Variants in BSN observed in about 807,000 individuals in gnomAD.
BSN encodes the protein bassoon presynaptic cytomatrix protein.
In BSN, 57 loss-of-function variants were observed where a neutral mutation model predicts 264.8. The ratio of observed to expected loss-of-function variants is 0.22; its 90% CI spans 0.17 to 0.27. BSN has a LOEUF of 0.27. BSN is among the 10% of genes least tolerant of loss of function. BSN has a pLI of 1.00. For synonymous variants in BSN, 2,059 were observed against 2,137.3 expected, an observed-to-expected ratio of 0.96 and a Z score of 1.01; for missense variants, 4,615 against 5,232.5, an observed-to-expected ratio of 0.88 and a Z score of 3.64.
At chr3:49,604,354 C>A in intron 1 of BSN, among the ~76,000 whole-genome samples, 1 of 152,096 alleles carries the variant, frequency 6.6e-6, no homozygotes. Context: ...ACTCTGTACC[C>A]ATTGAACAGT....
At position 49,651,584 on chromosome 3, in the gene BSN, C is replaced by A; in HGVS notation, c.2028C>A (p.Ser676Arg). 6.2e-7 allele frequency: 1 copy of A among 1,605,888 alleles called. No homozygotes were observed. Among genetic ancestry groups the A allele is most frequent in the Admixed American group, 1.7e-5 (1 of 59,178 alleles). ...GKPYSQDASR[S>R]PQSLSDTGYS... is the part of the protein sequence containing the mutation. Reference sequence around the variant, plus strand: ...CTTACTCTCAGGATGCGTCTCGGAGCCCACAGAGCCTCAGTGACACAGGCT... The same window carrying A: ...CTTACTCTCAGGATGCGTCTCGGAGACCACAGAGCCTCAGTGACACAGGCT... The change falls in exon 5 of 12, where the codon AGC (serine) becomes AGA (arginine). Residue 676 changes from serine to arginine, a missense_variant. By Grantham distance (110) the Ser-to-Arg change is moderately radical (BLOSUM62 -1). This residue lies in a region of BSN where 1,197 missense variants were observed against 1,348.0 expected (regional missense o/e 0.89). Transcript: ENST00000296452. This position sits in a 1 kb window ranked among gnomAD's most constrained non-coding sequence, Gnocchi z 5.4.
In BSN at chr3:49,653,566, T is replaced by C. The variant is rs764759342; in HGVS notation, c.4010T>C (p.Ile1337Thr). 1.9e-6 allele frequency: 3 copies of C among 1,613,870 alleles called. No homozygotes were observed. The highest frequency in any genetic ancestry group is 1.7e-6 in the Non-Finnish European group (2 of 1,179,976). ...TCAGACAGCAGCGGGGGCCGAGTTA[T>C]TCCCGATGTCCGTGTCACTCAGCAT... The part of the protein sequence containing the change: ...TSSDSSGGRV[I>T]PDVRVTQHFA... The change falls in exon 5 of 12, where the codon ATT becomes ACT. Residue 1337 changes from isoleucine (I) to threonine (T), a missense_variant. Physicochemically the swap from Ile to Thr is moderately conservative, Grantham distance 89. Coordinates refer to ENST00000296452, the MANE Select transcript of BSN (RefSeq NM_003458.4). This position sits in a 1 kb window ranked among gnomAD's most constrained non-coding sequence, Gnocchi z 6.3.
intron 2 of BSN, among the ~76,000 whole-genome samples, chr3:49,630,369 A>G (rs1363233604): frequency 6.6e-6 from 1 of 152,256 alleles, no homozygotes; most frequent in African/African-American, 2.4e-5. Flanking sequence ...TCTCCCACCG[A>G]ATAGCTAGTC....
Position 49,653,336 on chromosome 3 carries a change from C to T in BSN, c.3780C>T (p.Ile1260=). 6.2e-7 allele frequency: 1 copy of T among 1,612,166 alleles called. No homozygotes were observed. The highest frequency in any genetic ancestry group is 8.5e-7 in the Non-Finnish European group (1 of 1,179,346). Reference sequence around the variant, plus strand: ...TGGGAGCAGCCGTGTACGAAGAAATCCTTCAGACATCACAGAGCATAGTCC... The same window carrying T: ...TGGGAGCAGCCGTGTACGAAGAAATTCTTCAGACATCACAGAGCATAGTCC... The part of the protein sequence containing the change: ...ASLGAAVYEE[I]LQTSQSIVRM... Residue 1260 remains isoleucine, a synonymous_variant, in exon 5 of 12, where the codon ATC becomes ATT. Transcript: ENST00000296452. This position sits in a 1 kb window ranked among gnomAD's most constrained non-coding sequence, Gnocchi z 6.3.
chr3:49,653,809 G>A lies in BSN; in HGVS notation c.4253G>A (p.Ser1418Asn). The change falls in exon 5 of 12, where the codon AGC becomes AAC. Residue 1418 changes from serine to asparagine, a missense_variant. Coordinates refer to ENST00000296452, the MANE Select transcript of BSN (RefSeq NM_003458.4). The surrounding 1 kb of genome is among the most constrained non-coding windows in gnomAD (Gnocchi z 6.3). ...CCTTCACCATCTTCCACAGCCCACA[G>A]CTATGGACACAGCCCAACCACTGCA... is the stretch of plus-strand genomic sequence containing the variant. ...RSPSPSSTAH[S>N]YGHSPTTANY... 6.2e-7 allele frequency: 1 copy of A among 1,614,138 alleles called. No individual in the cohort carries two copies.
rs778412684 is a variant in BSN, at chr3:49,625,092, A to G, written c.342A>G (p.Ala114=). The G allele has an allele frequency of 6.2e-7, 1 of 1,606,264 alleles. No individual in the cohort carries two copies. Among genetic ancestry groups the G allele is most frequent in the South Asian group, 1.1e-5 (1 of 89,660 alleles). ...PGHESPRETR[A]QGPAGQEADG... ...ATGAGAGCCCCCGAGAGACAAGGGC[A>G]CAGGGACCAGCAGGCCAGGAGGCTG... Residue 114 remains alanine (A), a synonymous_variant, in exon 2 of 12, where the codon GCA becomes GCG. Transcript: ENST00000296452. The surrounding 1 kb of genome is among the most constrained non-coding windows in gnomAD (Gnocchi z 4.4).
intron 3 of BSN, among the ~76,000 whole-genome samples, chr3:49,644,228 C>A (rs562823653): frequency 6.6e-6 from 1 of 152,342 alleles, no homozygotes; most frequent in South Asian, 2.1e-4. Flanking sequence ...GCCACCTGAG[C>A]CCTCTGGTCT....
At position 49,653,393 on chromosome 3, in the gene BSN, T is replaced by G; in HGVS notation, c.3837T>G (p.Ala1279=). The G allele has an allele frequency of 6.2e-7, 1 of 1,613,816 alleles. No individual in the cohort carries two copies. The highest frequency in any genetic ancestry group is 8.5e-7 in the Non-Finnish European group (1 of 1,179,992). ...GGCAGGCCTCCTCACGAGACCTGGC[T>G]TTTGCTGAGGACAAAAAGAAGGAGA... is the stretch of plus-strand genomic sequence containing the variant. The part of the protein sequence containing the change: ...RMRQASSRDL[A]FAEDKKKEKQ... The change falls in exon 5 of 12, where the codon GCT becomes GCG. Residue 1279 remains alanine (A), a synonymous_variant. Coordinates refer to ENST00000296452, the MANE Select transcript of BSN (RefSeq NM_003458.4). This position sits in a 1 kb window ranked among gnomAD's most constrained non-coding sequence, Gnocchi z 6.3.
Position 49,642,617 on chromosome 3 carries a change from G to A in BSN, c.983G>A (p.Ser328Asn), listed in dbSNP as rs775825487. ...CCTGCAGGAGAGGCCCCGGCCAAAA[G>A]TGCCACCGCAGTGCCCGCTGGGCTT... ...RPPAGEAPAK[S>N]ATAVPAGLGA... Residue 328 changes from serine to asparagine, a missense_variant, in exon 3 of 12, where the codon AGT becomes AAT. Coordinates refer to ENST00000296452, the MANE Select transcript of BSN (RefSeq NM_003458.4). This position sits in a 1 kb window ranked among gnomAD's most constrained non-coding sequence, Gnocchi z 7.0. 8.1e-6 allele frequency: 13 copies of A among 1,603,176 alleles called. 1 individual carries two copies. In the Middle Eastern group the frequency reaches 1.0e-3, roughly 123 times the overall value.
rs1006714996 is a variant in BSN, at chr3:49,638,344, C to A, written c.634-3924C>A. On this transcript the variant is annotated intron_variant, in intron 2 of 11. Transcript: ENST00000296452. The surrounding 1 kb of genome is among the most constrained non-coding windows in gnomAD (Gnocchi z 4.3). ...GTTGGGGTGCACAGCCATCATCTCT[C>A]TCCCTACCCCGTGGACAGCCTCCAT... Among the ~76,000 whole-genome samples, 1 of 152,228 alleles carries A rather than the reference C, an allele frequency of 6.6e-6. No individual in the cohort carries two copies. Among genetic ancestry groups the A allele is most frequent in the Admixed American group, 6.5e-5 (1 of 15,290 alleles).
intron 1 of BSN, among the ~76,000 whole-genome samples, chr3:49,622,316 C>T (rs1374407700): frequency 1.3e-5 from 2 of 152,124 alleles, no homozygotes; most frequent in Non-Finnish European, 2.9e-5. Context: ...AGACCGTGGA[C>T]ATATATCGCG....
intron 1 of BSN, among the ~76,000 whole-genome samples, chr3:49,617,405 C>T (rs1257384519): frequency 6.6e-6 from 1 of 151,402 alleles, no homozygotes; most frequent in African/African-American, 2.4e-5. Context: ...CCCTTCCTGT[C>T]TCTTGTGTCT....
At chr3:49,605,579 A>T (rs1243046172) in intron 1 of BSN, among the ~76,000 whole-genome samples, 2 of 1,066 alleles carry the variant, frequency 1.9e-3, no homozygotes, top group African/African-American at 4.7e-3. Flanking sequence ...TATTATATAT[A>T]TTATATATTT....
rs1238385754 is a variant in BSN, at chr3:49,653,812, A to G, written c.4256A>G (p.Tyr1419Cys). The G allele has an allele frequency of 2.5e-6, 4 of 1,614,116 alleles. No homozygotes were observed. Among genetic ancestry groups the G allele is most frequent in the East Asian group, 2.2e-5 (1 of 44,876 alleles). Residue 1419 changes from tyrosine (Y) to cysteine (C), a missense_variant, in exon 5 of 12, where the codon TAT becomes TGT. Around this residue, in one of 3 missense-constraint regions of BSN, gnomAD observed 3,415 missense variants for 3,866.4 expected, o/e 0.88. Coordinates refer to ENST00000296452, the MANE Select transcript of BSN (RefSeq NM_003458.4). The surrounding 1 kb of genome is among the most constrained non-coding windows in gnomAD (Gnocchi z 6.3). Reference sequence around the variant, plus strand: ...TCACCATCTTCCACAGCCCACAGCTATGGACACAGCCCAACCACTGCAAAC... The same window carrying G: ...TCACCATCTTCCACAGCCCACAGCTGTGGACACAGCCCAACCACTGCAAAC... ...SPSPSSTAHSYGHSPTTANYG... is the reference protein window; with the variant it reads ...SPSPSSTAHSCGHSPTTANYG...
chr3:49,613,156 C>A (rs943603858), intron 1 of BSN, among the ~76,000 whole-genome samples: 2 of 151,562 alleles, frequency 1.3e-5, no homozygotes, highest in Non-Finnish European at 2.9e-5. Flanking sequence ...ACAACAACAA[C>A]AAAAAAGGCC....
Position 49,575,961 on chromosome 3 carries a change from A to G in BSN, c.224+21135A>G, listed in dbSNP as rs2108011637. ...TACTTTTTTGAAGAAAGATCATACTAAATGCATTGCTTTGCACCTTGCTTT... is the reference window on the plus strand; with the variant it reads ...TACTTTTTTGAAGAAAGATCATACTGAATGCATTGCTTTGCACCTTGCTTT... On this transcript the variant is annotated intron_variant, in intron 1 of 11. Transcript: ENST00000296452. Among the ~76,000 whole-genome samples, 2 of 152,248 alleles carry G rather than the reference A, an allele frequency of 1.3e-5. 1 individual carries two copies. Among genetic ancestry groups the G allele is most frequent in the South Asian group, 4.2e-4 (2 of 4,810 alleles).
chr3:49,634,940 G>T (rs2052409850), intron 2 of BSN, among the ~76,000 whole-genome samples: 3 of 152,180 alleles, frequency 2.0e-5, no homozygotes, highest in South Asian at 4.1e-4. Context: ...AGCCTGCAGG[G>T]GTAGCGGGTG....
At chr3:49,593,969 ATTT>A (rs2052001339) in intron 1 of BSN, among the ~76,000 whole-genome samples, 2 of 150,182 alleles carry the variant, frequency 1.3e-5, no homozygotes, top group African/African-American at 4.9e-5. Flanking sequence ...CGCCTTCCTA[ATTT>A]TTTGTATTTT....
Position 49,604,707 on chromosome 3 carries a change from G to A in BSN, c.225-20268G>A, listed in dbSNP as rs866761792. Among the ~76,000 whole-genome samples the A allele has an allele frequency of 7.2e-5, 11 of 152,072 alleles. 1 individual carries two copies. In the South Asian group the frequency reaches 2.3e-3, roughly 32 times the overall value. ...CAGCCTGGTGGACAGCTGGAGCAGG[G>A]ACATACATTTGAGCACTGGACAAGA... On this transcript the variant is annotated intron_variant, in intron 1 of 11. Transcript: ENST00000296452.
Sources: allele counts gnomAD v4.1 joint callset (sites outside exome capture counted in the v4.1 genomes callset), GRCh38; gene constraint gnomAD v4.1.1; regional missense constraint gnomAD v4.1.1; non-coding constraint Gnocchi (gnomAD v3.1); transcripts MANE v1.5; gene names NCBI Gene and HGNC (gene_info 2026-07-23, HGNC 2026-07-21).